The following FBXW8 variants were observed in gnomAD, a reference collection of about 807,000 sequenced individuals.
The protein encoded by FBXW8 is F-box/WD repeat-containing protein 8.
Under a neutral mutation model 65.3 loss-of-function variants are expected in FBXW8, and 57 were observed. The observed-to-expected ratio is 0.87, with a 90% confidence interval of 0.71 to 1.09. The LOEUF is 1.09. Ranked by LOEUF, FBXW8 falls within the 50% of genes least tolerant of loss-of-function variation. FBXW8 has a pLI of 0.00. For missense variants in FBXW8, 777 were observed against 814.8 expected (o/e 0.95, Z 0.57); for synonymous variants, 308 against 330.2 (o/e 0.93, Z 0.73).
rs546311469 is a variant in FBXW8, at chr12:116,937,656, C to T, written c.424-7708C>T. ...GTCAGTGGTGTGTTGGGGGCAAAAG[C>T]TAGTGGCTCAGGAGCAAGTGGAGAG... On this transcript the variant is annotated intron_variant, in intron 2 of 10. Coordinates refer to ENST00000652555, the MANE Select transcript of FBXW8 (RefSeq NM_153348.3). Among the ~76,000 whole-genome samples the T allele has an allele frequency of 1.2e-4, 18 of 152,260 alleles. No individual in the cohort carries two copies. The East Asian group carries it at 3.5e-3, about 29-fold the overall frequency.
At chr12:117,001,648 C>T (rs1311099081) in intron 7 of FBXW8, among the ~76,000 whole-genome samples, 2 of 151,998 alleles carry the variant, frequency 1.3e-5, no homozygotes, top group African/African-American at 2.4e-5. Flanking sequence ...TGATTATTTC[C>T]GTGTGTCAGT....
rs1167883655 is a variant in FBXW8, at chr12:116,936,845, G to T, written c.424-8519G>T. 1.3e-5 allele frequency among the ~76,000 whole-genome samples: 2 copies of T among 152,166 alleles called. No homozygotes were observed. The highest frequency in any genetic ancestry group is 2.4e-5 in the African/African-American group (1 of 41,440). Reference sequence around the variant, plus strand: ...GTGATAAGCGTTTAATCCATTAAAAGAACTCGAAGTTTTGTGAATAAGATG... The same window carrying T: ...GTGATAAGCGTTTAATCCATTAAAATAACTCGAAGTTTTGTGAATAAGATG... On this transcript the variant is annotated intron_variant, in intron 2 of 10. Transcript: ENST00000652555. The surrounding 1 kb of genome is among the most constrained non-coding windows in gnomAD (Gnocchi z 4.6).
At position 116,921,486 on chromosome 12, in the gene FBXW8, C is replaced by T. The variant is rs369596114; in HGVS notation, c.319-6537C>T. On this transcript the variant is annotated intron_variant, in intron 1 of 10. Transcript: ENST00000652555. ...ATGAACTTTGGAGTACCTTAGGGGA[C>T]GATCTATATTGCCTGTTGTAGTCTC... is the stretch of plus-strand genomic sequence containing the variant. 9.9e-5 allele frequency among the ~76,000 whole-genome samples: 15 copies of T among 152,194 alleles called. No homozygotes were observed. In the East Asian group the frequency reaches 2.7e-3, roughly 27 times the overall value.
At chr12:116,942,446 C>T (rs1882650707) in intron 2 of FBXW8, among the ~76,000 whole-genome samples, 2 of 148,446 alleles carry the variant, frequency 1.3e-5, no homozygotes, top group African/African-American at 5.0e-5. Flanking sequence ...GTGATCTTGG[C>T]TCACTGCCAC....
intron 5 of FBXW8, among the ~76,000 whole-genome samples, chr12:116,970,104 G>T (rs979718999): frequency 6.6e-6 from 1 of 152,208 alleles, no homozygotes; most frequent in Non-Finnish European, 1.5e-5. Context: ...CATCTGCTCC[G>T]TGCTTGCCTG....
In FBXW8 at chr12:116,911,347, C is replaced by G; in HGVS notation, c.310C>G (p.Arg104Gly). The G allele has an allele frequency of 7.8e-7, 1 of 1,279,874 alleles. No homozygotes were observed. Among genetic ancestry groups the G allele is most frequent in the Non-Finnish European group, 9.8e-7 (1 of 1,017,768 alleles). The allele number at this position is 1,279,874 out of a possible 1,614,324, so 79.3% of individuals were successfully genotyped here. Residue 104 changes from arginine to glycine, a missense_variant, in exon 1 of 11, where the codon CGC (arginine) becomes GGC (glycine). Coordinates refer to ENST00000652555, the MANE Select transcript of FBXW8 (RefSeq NM_153348.3). ...GGEQLVDQLI[R>G]DLNEMNDVPF... Reference sequence around the variant, plus strand: ...GGAGCAGCTGGTGGACCAGCTCATCCGCGACCTGGTGAGTGGCCGTCGCCT... The same window carrying G: ...GGAGCAGCTGGTGGACCAGCTCATCGGCGACCTGGTGAGTGGCCGTCGCCT...
chr12:116,942,497 C>G (rs1180052028), intron 2 of FBXW8, among the ~76,000 whole-genome samples: 2 of 151,328 alleles, frequency 1.3e-5, no homozygotes, highest in African/African-American at 4.9e-5. Context: ...GCCTCAGCCT[C>G]CCGAGTAGCT....
chr12:117,026,172 CAG>C (rs773289516), intron 9 of FBXW8, among the ~76,000 whole-genome samples: 1 of 152,256 alleles, frequency 6.6e-6, no homozygotes, highest in Non-Finnish European at 1.5e-5. Flanking sequence ...GCCTGCCTGA[CAG>C]GGTGCCGTCA....
chr12:116,973,998 C>T (rs1192881210), intron 5 of FBXW8, among the ~76,000 whole-genome samples: 4 of 152,196 alleles, frequency 2.6e-5, no homozygotes, highest in Admixed American at 2.0e-4. Flanking sequence ...ATAAGTAGCC[C>T]ATGGCTGTGA....
intron 1 of FBXW8, among the ~76,000 whole-genome samples, chr12:116,923,992 C>T (rs528362046): frequency 8.8e-4 from 134 of 152,300 alleles, no homozygotes; most frequent in South Asian, 1.9e-3. Context: ...GGATTACAGG[C>T]GTGAGCCACT....
chr12:116,984,224 G>A (rs889338932), intron 5 of FBXW8, among the ~76,000 whole-genome samples: 1 of 152,216 alleles, frequency 6.6e-6, no homozygotes, highest in Non-Finnish European at 1.5e-5. Flanking sequence ...AAAAGCATAA[G>A]CTCCTGTAGA....
At chr12:116,991,816 C>T (rs894275515) in intron 7 of FBXW8, among the ~76,000 whole-genome samples, 2 of 152,218 alleles carry the variant, frequency 1.3e-5, no homozygotes, top group African/African-American at 2.4e-5. Flanking sequence ...GACTTTTAGT[C>T]AGAAACTTAA....
chr12:117,028,350 G>A lies in FBXW8; in HGVS notation c.*178G>A. ...GCACTTCCCCCAGCGCCTGGGGCAAGCTGGCGTGTGCCAGGGCTCGAGTCC... is the reference window on the plus strand; with the variant it reads ...GCACTTCCCCCAGCGCCTGGGGCAAACTGGCGTGTGCCAGGGCTCGAGTCC... On this transcript the variant is annotated 3_prime_UTR_variant, in exon 11 of 11. Coordinates refer to ENST00000652555, the MANE Select transcript of FBXW8 (RefSeq NM_153348.3). This position sits in a 1 kb window ranked among gnomAD's most constrained non-coding sequence, Gnocchi z 4.1. 1.3e-6 allele frequency: 1 copy of A among 749,414 alleles called. No homozygotes were observed. Among genetic ancestry groups the A allele is most frequent in the African/African-American group, 1.8e-5 (1 of 56,046 alleles). The allele number at this position is 749,414 out of a possible 1,614,324, so 46.4% of individuals were successfully genotyped here.
At chr12:116,976,864 A>G (rs1884979846) in intron 5 of FBXW8, among the ~76,000 whole-genome samples, 1 of 152,210 alleles carries the variant, frequency 6.6e-6, no homozygotes, top group Non-Finnish European at 1.5e-5. Flanking sequence ...ATAAAACGGG[A>G]AAGGCAGGCC....
chr12:116,997,880 A>G (rs1326501181), intron 7 of FBXW8, among the ~76,000 whole-genome samples: 3 of 152,176 alleles, frequency 2.0e-5, no homozygotes, highest in Admixed American at 6.5e-5. Context: ...CAGTGGCGCC[A>G]TCTCAGCTCA....
chr12:117,012,197 G>GCACTA (rs3070248), intron 8 of FBXW8, among the ~76,000 whole-genome samples: 31,957 of 152,100 alleles, frequency 0.21, 4,207 homozygotes, highest in African/African-American at 0.38. Context: ...TGCCAGGGAG[G>GCACTA]TGTTCCATGC....
At chr12:117,008,483 C>T (rs1050832337) in intron 7 of FBXW8, among the ~76,000 whole-genome samples, 12 of 152,106 alleles carry the variant, frequency 7.9e-5, no homozygotes, top group African/African-American at 2.4e-4. Context: ...CAATTGTTCT[C>T]TGTAGTCTTT....
intron 8 of FBXW8, among the ~76,000 whole-genome samples, chr12:117,013,004 A>G (rs1340898859): frequency 6.6e-6 from 1 of 152,138 alleles, no homozygotes; most frequent in East Asian, 1.9e-4. Flanking sequence ...GATCTATCCT[A>G]TCACTCAAGA....
chr12:116,927,959 T>A, intron 1 of FBXW8, 64 bp from the exon 2 acceptor site: 2 of 1,006,658 alleles, frequency 2.0e-6, no homozygotes, highest in South Asian at 3.0e-5. Context: ...TTAAAGGGCC[T>A]GTAAATTTGA....
Sources: gnomAD v4.1 joint callset for allele counts (sites outside exome capture counted in the v4.1 genomes callset) on GRCh38, gnomAD v4.1.1 for gene constraint, Gnocchi (gnomAD v3.1) non-coding constraint, MANE v1.5 for transcripts, NCBI Gene and HGNC (gene_info 2026-07-23, HGNC 2026-07-21) for gene names.